The following JCAD variants were observed in gnomAD, a reference collection of about 807,000 sequenced individuals.
JCAD encodes junctional cadherin 5-associated protein.
A neutral mutation model predicts 98.0 loss-of-function variants in JCAD; 40 were observed. The ratio of observed to expected loss-of-function variants is 0.41; its 90% CI spans 0.32 to 0.53. The LOEUF is 0.53. JCAD is among the 20% of genes least tolerant of loss of function. The probability of loss-of-function intolerance (pLI) is 0.31; values close to 1 mark genes in which losing one functional copy is unlikely to be tolerated. For synonymous variants in JCAD, 691 were observed against 682.3 expected, an observed-to-expected ratio of 1.01 and a Z score of -0.20; for missense variants, 1,705 against 1,738.1, an observed-to-expected ratio of 0.98 and a Z score of 0.34.
At position 30,014,493 on chromosome 10, in the gene JCAD, A is replaced by G. The variant is rs543977422; in HGVS notation, c.*3390T>C. 6.6e-6 allele frequency: 1 copy of G among 152,336 alleles called. No individual in the cohort carries two copies. The highest frequency in any genetic ancestry group is 1.9e-4 in the East Asian group (1 of 5,188). 9.4% of individuals were successfully genotyped at this position (152,336 alleles called of 1,614,324 possible). A position where few individuals can be genotyped will look rare whatever the true frequency, so the allele number is the denominator to read the frequency against. ...ATGCTATCCTGACATTTAATTGTGTATTATTTAATCATTTAAAACAAACAA... is the reference window on the plus strand; with the variant it reads ...ATGCTATCCTGACATTTAATTGTGTGTTATTTAATCATTTAAAACAAACAA... On this transcript the variant is annotated 3_prime_UTR_variant, in exon 4 of 4. Coordinates refer to ENST00000375377, the MANE Select transcript of JCAD (RefSeq NM_020848.4).
At chr10:30,044,818 G>C (rs1837304039) in intron 2 of JCAD, 1 of 967,054 alleles carries the variant, frequency 1.0e-6, no homozygotes, top group Non-Finnish European at 1.2e-6. Context: ...GTTCTCTATT[G>C]GGCACCTAAA....
intron 1 of JCAD, among the ~76,000 whole-genome samples, chr10:30,079,066 C>G (rs976185990): frequency 4.6e-5 from 7 of 152,076 alleles, no homozygotes; most frequent in Non-Finnish European, 8.8e-5. Flanking sequence ...GCTGGTAATG[C>G]CAGCCTAGAA....
intron 2 of JCAD, among the ~76,000 whole-genome samples, chr10:30,037,829 C>T (rs544301776): frequency 1.5e-3 from 220 of 151,720 alleles, no homozygotes; most frequent in African/African-American, 5.0e-3. Context: ...CCACTGATAT[C>T]GACCTGGATG....
chr10:30,070,289 A>G (rs890671483), intron 1 of JCAD, among the ~76,000 whole-genome samples: 2 of 152,146 alleles, frequency 1.3e-5, no homozygotes, highest in African/African-American at 4.8e-5. Context: ...TAACTGTTGC[A>G]ATGTTTCCTT....
intron 1 of JCAD, among the ~76,000 whole-genome samples, chr10:30,090,489 C>T (rs1000236411): frequency 3.8e-4 from 56 of 146,816 alleles, no homozygotes; most frequent in East Asian, 1.8e-3. Flanking sequence ...TGCAATGAGC[C>T]GAGATTTTGC....
chr10:30,062,363 T>C (rs1452248020), upstream of JCAD, among the ~76,000 whole-genome samples: 1 of 152,150 alleles, frequency 6.6e-6, no homozygotes, highest in African/African-American at 2.4e-5. Context: ...TCCCTAGCCC[T>C]GCTCTAATGT....
chr10:30,092,524 A>C (rs1838301967), intron 1 of JCAD, among the ~76,000 whole-genome samples: 1 of 152,142 alleles, frequency 6.6e-6, no homozygotes, highest in African/African-American at 2.4e-5. Context: ...AAACCTGGGA[A>C]ACAGCGGGCA....
chr10:30,025,971 T>A (rs185474112), intron 3 of JCAD, 132 bp downstream of exon 3: 1 of 1,045,124 alleles, frequency 9.6e-7, no homozygotes, highest in Admixed American at 2.1e-5. Flanking sequence ...AATCTTTTGA[T>A]AAAACAATTC....
At chr10:30,113,548 CAAAAAAAAAAAAAAA>C (rs71023545) in intron 1 of JCAD, among the ~76,000 whole-genome samples, 4 of 15,964 alleles carry the variant, frequency 2.5e-4, no homozygotes, top group Non-Finnish European at 3.5e-4. Flanking sequence ...GAGACACTGT[CAAAAAAAAAAAAAAA>C]AAAAAAAAAA....
intron 2 of JCAD, chr10:30,044,742 C>G: frequency 2.2e-6 from 2 of 903,188 alleles, no homozygotes; most frequent in African/African-American, 1.8e-5. Context: ...TCCCAAAGCA[C>G]TTTGTTTCTG....
At chr10:30,038,734 AAGAG>A (rs1837175821) in intron 2 of JCAD, among the ~76,000 whole-genome samples, 1 of 151,124 alleles carries the variant, frequency 6.6e-6, no homozygotes, top group Non-Finnish European at 1.5e-5. Flanking sequence ...GAGAAAGAGA[AAGAG>A]AGAAGAGAGA....
chr10:30,065,415 A>C (rs898148387), intron 2 of JCAD, among the ~76,000 whole-genome samples: 1 of 152,230 alleles, frequency 6.6e-6, no homozygotes, highest in Non-Finnish European at 1.5e-5. Context: ...AATTGAAAAA[A>C]ATCTAGAAAG....
At chr10:30,031,750 A>ATTTTTT (rs1177691710) in intron 2 of JCAD, among the ~76,000 whole-genome samples, 2 of 63,370 alleles carry the variant, frequency 3.2e-5, no homozygotes, top group African/African-American at 7.0e-5. Flanking sequence ...CCCCATCTGT[A>ATTTTTT]TTTTTTTTTT....
At chr10:30,093,162 A>C (rs922023231) in intron 1 of JCAD, among the ~76,000 whole-genome samples, 1 of 152,200 alleles carries the variant, frequency 6.6e-6, no homozygotes, top group African/African-American at 2.4e-5. Flanking sequence ...TGTGTTTTCT[A>C]ACTTTGAGAT....
At chr10:30,045,917 C>T (rs1266416840) in intron 2 of JCAD, among the ~76,000 whole-genome samples, 1 of 152,188 alleles carries the variant, frequency 6.6e-6, no homozygotes, top group Admixed American at 6.5e-5. Context: ...GTGTTAAGTG[C>T]TCTGACTAAA....
At chr10:30,060,535 T>C (rs555194771), upstream of JCAD, among the ~76,000 whole-genome samples, 23 of 152,276 alleles carry the variant, frequency 1.5e-4, 1 homozygote, top group African/African-American at 4.8e-5. Context: ...TGCTGATGCA[T>C]TGGGGAGAGA....
chr10:30,096,911 G>A lies in JCAD; in HGVS notation n.128+18456C>T, dbSNP rs1436534647. On this transcript the variant is annotated intron_variant and non_coding_transcript_variant, in intron 1 of 2. Transcript: ENST00000465712. ...TAGATCTCTGAGCATTTCTTCAATA[G>A]CATTACAGTAATTATAACAATTCTG... 2.6e-5 allele frequency among the ~76,000 whole-genome samples: 4 copies of A among 152,150 alleles called. No homozygotes were observed. The East Asian group carries it at 7.7e-4, about 29-fold the overall frequency.
At chr10:30,092,552 G>A (rs1374080942) in intron 1 of JCAD, among the ~76,000 whole-genome samples, 5 of 152,108 alleles carry the variant, frequency 3.3e-5, no homozygotes, top group Non-Finnish European at 5.9e-5. Context: ...ATCTCACCAC[G>A]GAGCACAAGC....
chr10:30,094,380 C>T (rs934549962), intron 1 of JCAD, among the ~76,000 whole-genome samples: 2 of 151,960 alleles, frequency 1.3e-5, no homozygotes, highest in South Asian at 2.1e-4. Flanking sequence ...TCCCGGGAGG[C>T]GGGAGGTTGT....
Sources: gnomAD v4.1 joint callset for allele counts (sites outside exome capture counted in the v4.1 genomes callset) on GRCh38, gnomAD v4.1.1 for gene constraint, MANE v1.5 for transcripts, NCBI Gene and HGNC (gene_info 2026-07-23, HGNC 2026-07-21) for gene names.